Variants in CTH observed in about 807,000 individuals in gnomAD.
CTH encodes the protein cystathionase (cystathionine gamma-lyase).
In CTH, 41 loss-of-function variants were observed where a neutral mutation model predicts 50.6. The observed-to-expected ratio is 0.81, with a 90% CI of 0.63 to 1.05. CTH has a LOEUF of 1.05. Ranked by LOEUF, CTH falls within the 50% of genes least tolerant of loss-of-function variation. The pLI is 0.00. For missense variants in CTH, 470 were observed against 492.6 expected, an observed-to-expected ratio of 0.95 and a Z score of 0.43; for synonymous variants, 156 against 168.9, an observed-to-expected ratio of 0.92 and a Z score of 0.59.
rs1684669136 is a variant in CTH, at chr1:70,439,303, G to C, written c.*176G>C. The C allele has an allele frequency of 1.6e-6, 1 of 644,450 alleles. No individual in the cohort carries two copies. Among genetic ancestry groups the C allele is most frequent in the Non-Finnish European group, 2.8e-6 (1 of 360,280 alleles). 39.9% of individuals were successfully genotyped at this position (644,450 alleles called of 1,614,324 possible). A position where few individuals can be genotyped will look rare whatever the true frequency, so the allele number is the denominator to read the frequency against. ...ATCTCTGTTAAAAAGTTTTCTGTAT[G>C]TCATGTTATAATTACAGGTCAATTC... On this transcript the variant is annotated 3_prime_UTR_variant, in exon 12 of 12. Transcript: ENST00000370938.
intron 7 of CTH, among the ~76,000 whole-genome samples, chr1:70,431,398 T>C (rs574308820): frequency 7.2e-5 from 11 of 152,288 alleles, no homozygotes; most frequent in Non-Finnish European, 1.5e-4. Context: ...CGAATGATGG[T>C]TAATTTTAAA....
At chr1:70,434,597 G>T (rs924703957) in intron 9 of CTH, among the ~76,000 whole-genome samples, 11 of 144,556 alleles carry the variant, frequency 7.6e-5, no homozygotes, top group African/African-American at 2.5e-4. Flanking sequence ...AAAAACAGTG[G>T]TTTTTTTTTT....
intron 10 of CTH, 65 bp from the exon 11 acceptor site, chr1:70,438,623 G>A: frequency 1.3e-6 from 2 of 1,581,744 alleles, no homozygotes; most frequent in Non-Finnish European, 1.7e-6. Flanking sequence ...TGCAGTTTAT[G>A]AGACAGAAAC....
At chr1:70,420,042 G>C (rs1343512473) in intron 3 of CTH, among the ~76,000 whole-genome samples, 2 of 150,840 alleles carry the variant, frequency 1.3e-5, no homozygotes, top group East Asian at 1.9e-4. Flanking sequence ...TGCCAGGCTG[G>C]AGTGCAGTGG....
intron 5 of CTH, among the ~76,000 whole-genome samples, chr1:70,425,467 C>A (rs1185519156): frequency 1.3e-5 from 2 of 152,144 alleles, no homozygotes; most frequent in African/African-American, 4.8e-5. Context: ...GTAGAAGAGA[C>A]AAGGCAGTTA....
chr1:70,418,724 T>C (rs933175642), intron 3 of CTH, among the ~76,000 whole-genome samples: 5 of 152,026 alleles, frequency 3.3e-5, no homozygotes, highest in African/African-American at 1.2e-4. Flanking sequence ...CTCTCAAGAG[T>C]TCAACCCCAC....
At chr1:70,429,935 A>G in intron 6 of CTH, 84 bp downstream of exon 6, 6 of 967,274 alleles carry the variant, frequency 6.2e-6, no homozygotes, top group Non-Finnish European at 6.7e-6. Flanking sequence ...TTCTTTGATT[A>G]TTTTGTAGAT....
intron 5 of CTH, among the ~76,000 whole-genome samples, chr1:70,427,977 T>G (rs777666246): frequency 3.3e-5 from 5 of 152,190 alleles, no homozygotes; most frequent in African/African-American, 4.8e-5. Flanking sequence ...CCTCCCAAAG[T>G]GCTGGGATTA....
intron 8 of CTH, among the ~76,000 whole-genome samples, chr1:70,432,670 TTC>T (rs779619263): frequency 2.1e-5 from 3 of 143,246 alleles, no homozygotes; most frequent in Non-Finnish European, 4.5e-5. Flanking sequence ...TCCCCTGAGG[TTC>T]TCTCTCTCTC....
chr1:70,431,064 A>T (rs1684463028), intron 7 of CTH: 1 of 151,964 alleles, frequency 6.6e-6, no homozygotes, highest in Non-Finnish European at 1.5e-5. Context: ...CTGTGGTCCC[A>T]GATACTCAGA....
At chr1:70,424,562 T>C in intron 5 of CTH, 146 bp downstream of exon 5, 2 of 1,373,332 alleles carry the variant, frequency 1.5e-6, no homozygotes, top group Non-Finnish European at 2.0e-6. Flanking sequence ...GAATTAAATT[T>C]GGACCTCTTC....
chr1:70,411,533 C>T lies in CTH; in HGVS notation c.118C>T (p.Pro40Ser). The part of the protein sequence containing the change: ...EQWTSRAVVP[P>S]ISLSTTFKQG... ...ATGGACCTCCAGGGCTGTAGTGCCCCCCATCTCACTGTCCACCACGTTCAA... is the reference window on the plus strand; with the variant it reads ...ATGGACCTCCAGGGCTGTAGTGCCCTCCATCTCACTGTCCACCACGTTCAA... Residue 40 changes from proline to serine, a missense_variant, in exon 1 of 12, where the codon CCC becomes TCC. Pro to Ser is a moderately conservative substitution (Grantham distance 74, BLOSUM62 -1). Coordinates refer to ENST00000370938, the MANE Select transcript of CTH (RefSeq NM_001902.6). 1 of 1,614,176 alleles carries T rather than the reference C, an allele frequency of 6.2e-7. No individual in the cohort carries two copies.
chr1:70,426,025 G>A (rs1473557387), intron 5 of CTH, among the ~76,000 whole-genome samples: 1 of 152,108 alleles, frequency 6.6e-6, no homozygotes, highest in Non-Finnish European at 1.5e-5. Flanking sequence ...GGACACAAAT[G>A]TTCAGACCAT....
At chr1:70,417,452 T>C in intron 2 of CTH, among the ~76,000 whole-genome samples, 1 of 151,996 alleles carries the variant, frequency 6.6e-6, no homozygotes, top group East Asian at 1.9e-4. Context: ...GCCTGGCTAA[T>C]TTTTGTATTT....
rs1684675294 is a variant in CTH, at chr1:70,439,527, T to G, written c.*400T>G. 3 of 200,302 alleles carry G rather than the reference T, an allele frequency of 1.5e-5. No homozygotes were observed. The highest frequency in any genetic ancestry group is 7.1e-5 in the African/African-American group (3 of 42,470). 12.4% of individuals were successfully genotyped at this position (200,302 alleles called of 1,614,324 possible). On this transcript the variant is annotated 3_prime_UTR_variant, in exon 12 of 12. Coordinates refer to ENST00000370938, the MANE Select transcript of CTH (RefSeq NM_001902.6). The stretch of plus-strand genomic sequence containing the variant: ...GTTCTTAAATCAAGTGTGATTTTTT[T>G]GCATATCATTGAAAAGAACATTAAA...
intron 2 of CTH, among the ~76,000 whole-genome samples, chr1:70,416,853 C>T (rs1214392316): frequency 3.3e-5 from 5 of 152,086 alleles, no homozygotes; most frequent in Non-Finnish European, 5.9e-5. Context: ...TGGGCCACCA[C>T]GCCCAGCCTT....
chr1:70,417,940 T>G lies in CTH; in HGVS notation c.254T>G (p.Leu85Trp), dbSNP rs1328534172. The G allele has an allele frequency of 1.2e-6, 2 of 1,614,098 alleles. No homozygotes were observed. Residue 85 changes from leucine to tryptophan, a missense_variant, in exon 3 of 12, where the codon TTG (leucine) becomes TGG (tryptophan). Transcript: ENST00000370938. Reference protein sequence around the residue: ...VAALDGAKYCLAFASGLAATV... With the variant: ...VAALDGAKYCWAFASGLAATV... ...TCTAACTTGATTTTTATTTTAGGTT[T>G]GGCCTTTGCTTCAGGTTTAGCAGCC...
chr1:70,423,865 A>C (rs1288677615), intron 4 of CTH, among the ~76,000 whole-genome samples: 1 of 152,202 alleles, frequency 6.6e-6, no homozygotes, highest in Non-Finnish European at 1.5e-5. Context: ...TTGGCATCAT[A>C]GGGATAATTC....
chr1:70,414,838 G>A (rs998977169), intron 1 of CTH, among the ~76,000 whole-genome samples: 1 of 150,642 alleles, frequency 6.6e-6, no homozygotes, highest in Non-Finnish European at 1.5e-5. Context: ...TTTTTTTCCC[G>A]AGACAGAGTC....
Sources: allele counts gnomAD v4.1 joint callset (sites outside exome capture counted in the v4.1 genomes callset), GRCh38; gene constraint gnomAD v4.1.1; transcripts MANE v1.5; gene names NCBI Gene and HGNC (gene_info 2026-07-23, HGNC 2026-07-21).